The following C8orf34 variants were observed in gnomAD, a reference collection of about 807,000 sequenced individuals.
C8orf34 encodes the protein uncharacterized protein C8orf34.
In C8orf34, 65 loss-of-function variants were observed where a neutral mutation model predicts 68.3. That is an observed-to-expected ratio of 0.95 (90% CI 0.78 to 1.17). C8orf34 has a LOEUF of 1.17. C8orf34 is among the 50% of genes most tolerant of loss of function. The pLI is 0.00. For missense variants in C8orf34, 664 were observed against 655.4 expected, an observed-to-expected ratio of 1.01 and a Z score of -0.14; for synonymous variants, 244 against 241.2, an observed-to-expected ratio of 1.01 and a Z score of -0.11.
chr8:68,714,264 C>T (rs540173012), intron 9 of C8orf34, among the ~76,000 whole-genome samples: 1 of 152,246 alleles, frequency 6.6e-6, no homozygotes, highest in East Asian at 1.9e-4. Flanking sequence ...CTTCTATTCA[C>T]ATAGTACTGG....
intron 5 of C8orf34, among the ~76,000 whole-genome samples, chr8:68,514,333 C>T (rs879546711): frequency 1.3e-5 from 2 of 151,994 alleles, no homozygotes; most frequent in Non-Finnish European, 2.9e-5. Flanking sequence ...CTAAGGATAC[C>T]CTCCCACCTG....
chr8:68,594,477 A>G (rs1436607893), intron 7 of C8orf34, among the ~76,000 whole-genome samples: 1 of 152,060 alleles, frequency 6.6e-6, no homozygotes, highest in Non-Finnish European at 1.5e-5. Context: ...CAGCAGATAG[A>G]TGTCCAGATT....
chr8:68,620,633 AT>A (rs1475207639), intron 7 of C8orf34, among the ~76,000 whole-genome samples: 4 of 150,806 alleles, frequency 2.7e-5, no homozygotes, highest in Non-Finnish European at 5.9e-5. Context: ...CTTTTTAGGG[AT>A]TTTGAACCTA....
intron 12 of C8orf34, among the ~76,000 whole-genome samples, chr8:68,805,628 T>G (rs1824458887): frequency 6.6e-6 from 1 of 152,178 alleles, no homozygotes; most frequent in African/African-American, 2.4e-5. Flanking sequence ...AATTCCACAT[T>G]CTATGACATT....
chr8:68,422,416 T>C (rs1011667541), intron 1 of C8orf34, among the ~76,000 whole-genome samples: 1 of 152,188 alleles, frequency 6.6e-6, no homozygotes, highest in Middle Eastern at 3.2e-3. Context: ...AGGGAAGTCA[T>C]TAAAACTTAA....
In C8orf34 at chr8:68,424,857, G is replaced by A. The variant is rs189528996; in HGVS notation, c.328-14642G>A. 2.5e-3 allele frequency among the ~76,000 whole-genome samples: 380 copies of A among 152,106 alleles called. 2 individuals are homozygous for A. The highest frequency in any genetic ancestry group is 3.8e-3 in the Admixed American group (58 of 15,276). Reference sequence around the variant, plus strand: ...GGAGCTTGCAGTGAGCTGAGATTGCGCCACTGCACTCCAGCCTGGGTGACA... The same window carrying A: ...GGAGCTTGCAGTGAGCTGAGATTGCACCACTGCACTCCAGCCTGGGTGACA... On this transcript the variant is annotated intron_variant, in intron 1 of 13. Transcript: ENST00000518698.
At chr8:68,525,786 T>TCAC (rs1814952699) in intron 6 of C8orf34, 6 of 570,680 alleles carry the variant, frequency 1.1e-5, no homozygotes, top group South Asian at 8.7e-5. Context: ...CCATGCTTCA[T>TCAC]CACAGTGAGA....
intron 7 of C8orf34, among the ~76,000 whole-genome samples, chr8:68,621,897 C>G (rs964882692): frequency 6.6e-6 from 1 of 152,138 alleles, no homozygotes; most frequent in African/African-American, 2.4e-5. Flanking sequence ...AAACAACACC[C>G]ATTTATTATC....
At chr8:68,604,289 T>C (rs1280011095) in intron 7 of C8orf34, among the ~76,000 whole-genome samples, 2 of 146,776 alleles carry the variant, frequency 1.4e-5, no homozygotes, top group Admixed American at 6.7e-5. Flanking sequence ...CTATGTACCA[T>C]TCAACATTGA....
intron 7 of C8orf34, among the ~76,000 whole-genome samples, chr8:68,621,127 A>C (rs1386141802): frequency 6.6e-6 from 1 of 152,232 alleles, no homozygotes; most frequent in Non-Finnish European, 1.5e-5. Context: ...GAAGAAGTAC[A>C]AGATGTGTAC....
Position 68,468,782 on chromosome 8 carries a change from G to C in C8orf34, c.698G>C (p.Ser233Thr). 1 of 1,612,134 alleles carries C rather than the reference G, an allele frequency of 6.2e-7. No individual in the cohort carries two copies. The highest frequency in any genetic ancestry group is 8.5e-7 in the Non-Finnish European group (1 of 1,179,010). ...FDELNHILQE[S>T]KKLGKALENL... ...GAATTGAATCACATCCTTCAGGAGA[G>C]CAAGAAGCTGGGGAAAGCCCTTGAG... Residue 233 changes from serine to threonine, a missense_variant, in exon 4 of 14, where the codon AGC becomes ACC. Coordinates refer to ENST00000518698, the MANE Select transcript of C8orf34 (RefSeq NM_052958.4).
At chr8:68,642,693 AT>A (rs1819048239) in intron 8 of C8orf34, among the ~76,000 whole-genome samples, 1 of 152,226 alleles carries the variant, frequency 6.6e-6, no homozygotes, top group Non-Finnish European at 1.5e-5. Context: ...ATAACAGACC[AT>A]TAGCACTCCT....
chr8:68,505,755 A>G (rs1813991822), intron 5 of C8orf34, among the ~76,000 whole-genome samples: 1 of 151,944 alleles, frequency 6.6e-6, no homozygotes, highest in Non-Finnish European at 1.5e-5. Flanking sequence ...AAAAAAAAAA[A>G]AAGAATGAGC....
rs1422200421 is a variant in C8orf34, at chr8:68,507,240, G to A, written c.766-14559G>A. 2.6e-5 allele frequency among the ~76,000 whole-genome samples: 4 copies of A among 152,030 alleles called. No homozygotes were observed. The South Asian group carries it at 8.3e-4, about 32-fold the overall frequency. On this transcript the variant is annotated intron_variant, in intron 5 of 13. Coordinates refer to ENST00000518698, the MANE Select transcript of C8orf34 (RefSeq NM_052958.4). ...TAAAAGTTACATTTATTGGCAAATA[G>A]GAATAAAAATGATTTTTGTAATTTT...
At chr8:68,531,375 G>A (rs897114699) in intron 6 of C8orf34, among the ~76,000 whole-genome samples, 1 of 152,000 alleles carries the variant, frequency 6.6e-6, no homozygotes, top group Non-Finnish European at 1.5e-5. Context: ...ATCTACAACA[G>A]TCCTCTGCCT....
chr8:68,797,698 A>G (rs1199086098), intron 12 of C8orf34, among the ~76,000 whole-genome samples: 1 of 152,166 alleles, frequency 6.6e-6, no homozygotes, highest in Admixed American at 6.5e-5. Flanking sequence ...TAACAGATTG[A>G]TCTAGCTAAT....
rs953294860 is a variant in C8orf34, at chr8:68,344,436, C to T, written c.327+13097C>T. On this transcript the variant is annotated intron_variant, in intron 1 of 13. Transcript: ENST00000518698. Reference sequence around the variant, plus strand: ...GAAAGTGAATGAAACAATGTAACAACATCAGGGATTCTTATTGTGATCAAA... The same window carrying T: ...GAAAGTGAATGAAACAATGTAACAATATCAGGGATTCTTATTGTGATCAAA... 2.6e-5 allele frequency among the ~76,000 whole-genome samples: 4 copies of T among 152,130 alleles called. No homozygotes were observed. The East Asian group carries it at 7.7e-4, about 29-fold the overall frequency.
rs190164301 is a variant in C8orf34, at chr8:68,511,143, T to G, written c.766-10656T>G. Reference sequence around the variant, plus strand: ...ATGGCACTGATGCAAACAACTATATTGCTGTTATAAATAAATTTTTTGGTG... The same window carrying G: ...ATGGCACTGATGCAAACAACTATATGGCTGTTATAAATAAATTTTTTGGTG... On this transcript the variant is annotated intron_variant, in intron 5 of 13. Coordinates refer to ENST00000518698, the MANE Select transcript of C8orf34 (RefSeq NM_052958.4). Among the ~76,000 whole-genome samples, 147 of 152,346 alleles carry G rather than the reference T, an allele frequency of 9.6e-4. 2 individuals are homozygous for G. Among genetic ancestry groups the G allele is most frequent in the Admixed American group, 3.3e-3 (51 of 15,304 alleles).
chr8:68,453,661 A>T (rs1811434381), intron 3 of C8orf34, among the ~76,000 whole-genome samples: 1 of 151,954 alleles, frequency 6.6e-6, no homozygotes, highest in Non-Finnish European at 1.5e-5. Context: ...TAGTTCTAAC[A>T]CTTTATTGTG....
Sources: gnomAD v4.1 joint callset for allele counts (sites outside exome capture counted in the v4.1 genomes callset) on GRCh38, gnomAD v4.1.1 for gene constraint, MANE v1.5 for transcripts, NCBI Gene and HGNC (gene_info 2026-07-23, HGNC 2026-07-21) for gene names.